The following AGMO variants were observed in gnomAD, a reference collection of about 807,000 sequenced individuals.
The protein encoded by AGMO is alkylglycerol monooxygenase, also known as glyceryl-ether monooxygenase.
A neutral mutation model predicts 60.2 loss-of-function variants in AGMO; 75 were observed. The observed-to-expected ratio is 1.25, with a 90% CI of 1.03 to 1.51. The LOEUF is 1.51. Ranked by LOEUF, AGMO falls within the 40% of genes most tolerant of loss-of-function variation. The probability of loss-of-function intolerance (pLI) is 0.00; values close to 1 mark genes in which losing one functional copy is unlikely to be tolerated. For missense variants in AGMO, 763 were observed against 525.5 expected, an observed-to-expected ratio of 1.45 and a Z score of -4.42; for synonymous variants, 261 against 177.1, an observed-to-expected ratio of 1.47 and a Z score of -3.76.
chr7:15,312,694 T>TC (rs1942959723), intron 12 of AGMO, among the ~76,000 whole-genome samples: 1 of 151,806 alleles, frequency 6.6e-6, no homozygotes, highest in South Asian at 2.1e-4. Context: ...TTTTGTTTTT[T>TC]CCCCCCGAGA....
chr7:15,382,494 C>G (rs193090803), intron 10 of AGMO, among the ~76,000 whole-genome samples: 1 of 152,030 alleles, frequency 6.6e-6, no homozygotes, highest in African/African-American at 2.4e-5. Context: ...AAAGGAAGTT[C>G]GCTCAGAAGA....
chr7:15,405,305 T>C (rs1303665849), intron 5 of AGMO, among the ~76,000 whole-genome samples: 5 of 151,846 alleles, frequency 3.3e-5, no homozygotes, highest in Admixed American at 3.3e-4. Flanking sequence ...GTGATCTAAG[T>C]TTTATACACT....
At chr7:15,553,610 C>G (rs1165646369) in intron 2 of AGMO, among the ~76,000 whole-genome samples, 4 of 151,926 alleles carry the variant, frequency 2.6e-5, no homozygotes, top group Non-Finnish European at 4.4e-5. Context: ...AAAAAATATG[C>G]TATCTTTCTT....
Position 15,366,198 on chromosome 7 carries a change from G to T in AGMO, c.1099C>A (p.Leu367Met). 1 of 1,607,920 alleles carries T rather than the reference G, an allele frequency of 6.2e-7. No homozygotes were observed. Among genetic ancestry groups the T allele is most frequent in the Non-Finnish European group, 8.5e-7 (1 of 1,176,622 alleles). ...TAALSQVTLL[L>M]RVCFIILTLT... ...GTCAGGATAATGAAGCAAACCCTCA[G>T]AAGGAGAGTAACTTGCGACAGTGCC... is the stretch of plus-strand genomic sequence containing the variant. Residue 367 changes from leucine to methionine, a missense_variant, in exon 11 of 13, where the codon CTG becomes ATG. By Grantham distance (15) the Leu-to-Met change is conservative. Coordinates refer to ENST00000342526, the MANE Select transcript of AGMO (RefSeq NM_001004320.2).
At chr7:15,285,036 T>C (rs1784064326) in intron 12 of AGMO, among the ~76,000 whole-genome samples, 1 of 151,966 alleles carries the variant, frequency 6.6e-6, no homozygotes, top group African/African-American at 2.4e-5. Context: ...CATCACTGTA[T>C]GATAAAAATC....
At chr7:15,305,899 C>A (rs1410304388) in intron 12 of AGMO, among the ~76,000 whole-genome samples, 2 of 151,742 alleles carry the variant, frequency 1.3e-5, no homozygotes, top group Admixed American at 6.6e-5. Context: ...AAGAACAAAT[C>A]TTTTTTTAAA....
chr7:15,237,795 C>G (rs1782472041), intron 12 of AGMO, among the ~76,000 whole-genome samples: 1 of 152,096 alleles, frequency 6.6e-6, no homozygotes, highest in Non-Finnish European at 1.5e-5. Flanking sequence ...AGGCTTCAAC[C>G]TCCCTCCTAA....
intron 12 of AGMO, among the ~76,000 whole-genome samples, chr7:15,278,226 G>A (rs1473381405): frequency 1.3e-5 from 2 of 152,140 alleles, no homozygotes; most frequent in Non-Finnish European, 2.9e-5. Context: ...TAACACTGCT[G>A]CTTCATGTAC....
chr7:15,421,336 C>T (rs754482692), intron 4 of AGMO, among the ~76,000 whole-genome samples: 73 of 152,022 alleles, frequency 4.8e-4, no homozygotes, highest in Non-Finnish European at 1.0e-4. Context: ...CCACAGCCAA[C>T]ACAGAAAAAG....
chr7:15,233,572 G>A (rs1325637591), intron 12 of AGMO, among the ~76,000 whole-genome samples: 1 of 151,888 alleles, frequency 6.6e-6, no homozygotes, highest in Non-Finnish European at 1.5e-5. Context: ...CCCCCCTTTG[G>A]ATGATGGAAA....
At chr7:15,218,831 C>A (rs6977610) in intron 12 of AGMO, among the ~76,000 whole-genome samples, 3 of 151,812 alleles carry the variant, frequency 2.0e-5, no homozygotes, top group Non-Finnish European at 4.4e-5. Context: ...GTAGAAAAGA[C>A]AGGCCTGACT....
At chr7:15,170,820 C>T in the AGMO span, among the ~76,000 whole-genome samples, 1 of 152,050 alleles carries the variant, frequency 6.6e-6, no homozygotes, top group South Asian at 2.1e-4. Flanking sequence ...TCTCTTTAGG[C>T]CCCTCTTGGC....
At position 15,550,086 on chromosome 7, in the gene AGMO, A is replaced by G. The variant is rs576596607; in HGVS notation, c.258-5163T>C. Among the ~76,000 whole-genome samples the G allele has an allele frequency of 7.9e-3, 1,203 of 152,298 alleles. 4 individuals carry two copies. Among genetic ancestry groups the G allele is most frequent in the Non-Finnish European group, 0.013 (854 of 68,032 alleles). On this transcript the variant is annotated intron_variant, in intron 2 of 12. Transcript: ENST00000342526. ...TGACTACTGGATACATAACGAAATG[A>G]AGGCAGAAATAAAGACGTTCTTTGA...
chr7:15,267,081 C>T (rs570028498), intron 12 of AGMO, among the ~76,000 whole-genome samples: 7 of 152,098 alleles, frequency 4.6e-5, no homozygotes, highest in South Asian at 2.1e-4. Flanking sequence ...TCATTAGAGG[C>T]GTCTACTTTG....
intron 12 of AGMO, among the ~76,000 whole-genome samples, chr7:15,279,479 AT>A (rs895628467): frequency 9.9e-5 from 15 of 150,890 alleles, no homozygotes; most frequent in African/African-American, 2.9e-4. Context: ...GTTTTTTTTT[AT>A]TTTTTTTAAT....
intron 12 of AGMO, among the ~76,000 whole-genome samples, chr7:15,246,103 T>C (rs2128504574): frequency 6.6e-6 from 1 of 152,330 alleles, no homozygotes; most frequent in East Asian, 1.9e-4. Flanking sequence ...TCTCTTTTAC[T>C]AAAGATAAAG....
intron 12 of AGMO, among the ~76,000 whole-genome samples, chr7:15,278,631 G>A (rs1205387174): frequency 1.3e-5 from 2 of 152,190 alleles, no homozygotes; most frequent in Non-Finnish European, 2.9e-5. Context: ...AATGGAGACT[G>A]GCAGCTGTGT....
intron 3 of AGMO, among the ~76,000 whole-genome samples, chr7:15,487,692 T>G (rs1284527325): frequency 6.6e-6 from 1 of 152,112 alleles, no homozygotes; most frequent in Admixed American, 6.5e-5. Flanking sequence ...CTTAATCCCA[T>G]CTTTTGCTTT....
intron 10 of AGMO, among the ~76,000 whole-genome samples, chr7:15,369,153 C>T (rs924826584): frequency 2.6e-5 from 4 of 151,940 alleles, no homozygotes; most frequent in Non-Finnish European, 5.9e-5. Flanking sequence ...GTGTTACAAA[C>T]AGCACAATTA....
Sources: allele counts gnomAD v4.1 joint callset (sites outside exome capture counted in the v4.1 genomes callset), GRCh38; gene constraint gnomAD v4.1.1; transcripts MANE v1.5; gene names NCBI Gene and HGNC (gene_info 2026-07-23, HGNC 2026-07-21).